The following STAM variants were observed in gnomAD, a reference collection of about 807,000 sequenced individuals.
STAM encodes signal transducing adapter molecule 1.
Under a neutral mutation model 63.4 loss-of-function variants are expected in STAM, and 16 were observed. That is an observed-to-expected ratio of 0.25 (90% CI 0.17 to 0.38). The LOEUF is 0.38. STAM is among the 10% of genes least tolerant of loss of function. The pLI, the probability that STAM is intolerant of heterozygous loss-of-function variation, is 1.00. For synonymous variants in STAM, 238 were observed against 223.9 expected, an observed-to-expected ratio of 1.06 and a Z score of -0.56; for missense variants, 636 against 657.1, an observed-to-expected ratio of 0.97 and a Z score of 0.35.
chr10:17,704,227 C>CA, intron 9 of STAM, among the ~76,000 whole-genome samples: 1 of 152,128 alleles, frequency 6.6e-6, no homozygotes, highest in East Asian at 1.9e-4. Flanking sequence ...TGAGCAGTTT[C>CA]AAAAATATAT....
At position 17,712,469 on chromosome 10, in the gene STAM, T is replaced by C. The variant is rs535142489; in HGVS notation, c.1386-2074T>C. Among the ~76,000 whole-genome samples the C allele has an allele frequency of 3.3e-5, 5 of 152,372 alleles. No individual in the cohort carries two copies. The South Asian group carries it at 8.3e-4, about 25-fold the overall frequency. On this transcript the variant is annotated intron_variant, in intron 13 of 13. Transcript: ENST00000377524. ...GGTCACCACATTAGTTGGAGAAATGTAGCATTAAATTACCGTCTCTTATAA... is the reference window on the plus strand; with the variant it reads ...GGTCACCACATTAGTTGGAGAAATGCAGCATTAAATTACCGTCTCTTATAA...
At chr10:17,691,530 A>G (rs1835536240) in intron 5 of STAM, among the ~76,000 whole-genome samples, 1 of 152,192 alleles carries the variant, frequency 6.6e-6, no homozygotes, top group Admixed American at 6.5e-5. Flanking sequence ...AAATAAATAA[A>G]TAAATGCCTG....
intron 1 of STAM, among the ~76,000 whole-genome samples, chr10:17,650,058 C>T (rs1458104397): frequency 6.6e-6 from 1 of 152,214 alleles, no homozygotes; most frequent in East Asian, 1.9e-4. Flanking sequence ...TGCTTTGGGC[C>T]AGTCCACATC....
chr10:17,693,837 G>T (rs1230919663), intron 6 of STAM, among the ~76,000 whole-genome samples: 1 of 152,042 alleles, frequency 6.6e-6, no homozygotes, highest in Non-Finnish European at 1.5e-5. Context: ...GTGACTAAAA[G>T]CAATATTGTT....
At chr10:17,696,990 G>T in intron 8 of STAM, 121 bp downstream of exon 8, 1 of 702,224 alleles carries the variant, frequency 1.4e-6, no homozygotes. Flanking sequence ...TGCGAGCTCG[G>T]ATCATTGCAA....
At chr10:17,660,761 C>G (rs1456639142) in intron 2 of STAM, among the ~76,000 whole-genome samples, 1 of 151,722 alleles carries the variant, frequency 6.6e-6, no homozygotes, top group African/African-American at 2.4e-5. Flanking sequence ...GACCCCGTCT[C>G]TTAAAAAAGA....
At position 17,693,146 on chromosome 10, in the gene STAM, T is replaced by G. The variant is rs534642759; in HGVS notation, c.445-76T>G. The G allele has an allele frequency of 6.1e-6, 8 of 1,308,222 alleles. No individual in the cohort carries two copies. In the East Asian group the frequency reaches 1.9e-4, roughly 31 times the overall value. 81.0% of individuals were successfully genotyped at this position (1,308,222 alleles called of 1,614,324 possible). On this transcript the variant is annotated intron_variant, in intron 5 of 13. Transcript: ENST00000377524. Reference sequence around the variant, plus strand: ...TGTGCTAGATTGATGAGAAAGGTTTTGCAAATTCTTAGGGTGGGTGAGAGG... The same window carrying G: ...TGTGCTAGATTGATGAGAAAGGTTTGGCAAATTCTTAGGGTGGGTGAGAGG...
At chr10:17,697,798 T>A (rs58950607) in intron 8 of STAM, among the ~76,000 whole-genome samples, 2,865 of 152,144 alleles carry the variant, frequency 0.019, 81 homozygotes, top group African/African-American at 0.066. Context: ...TTTAAAGAGC[T>A]TATATGTATA....
intron 1 of STAM, among the ~76,000 whole-genome samples, chr10:17,650,018 ATAATAGAAT>A (rs1330013842): frequency 6.6e-6 from 1 of 152,216 alleles, no homozygotes; most frequent in African/African-American, 2.4e-5. Flanking sequence ...CTTTGTTTCT[ATAATAGAAT>A]ATTTGTGTTC....
intron 4 of STAM, among the ~76,000 whole-genome samples, chr10:17,686,456 AG>A (rs1835299076): frequency 6.7e-6 from 1 of 149,518 alleles, no homozygotes; most frequent in South Asian, 2.1e-4. Flanking sequence ...AGCTGACTAT[AG>A]CCTCTGCCTC....
At position 17,715,110 on chromosome 10, in the gene STAM, A is replaced by G. The variant is rs782037326; in HGVS notation, c.*330A>G. The G allele has an allele frequency of 5.1e-5, 16 of 315,774 alleles. No homozygotes were observed. Among genetic ancestry groups the G allele is most frequent in the Non-Finnish European group, 6.7e-5 (11 of 163,340 alleles). 19.6% of individuals were successfully genotyped at this position (315,774 alleles called of 1,614,324 possible). A position where few individuals can be genotyped will look rare whatever the true frequency, so the allele number is the denominator to read the frequency against. ...CTGTTGTGACAAATGTTATGTACAT[A>G]TATTGATATGTAACTGCATTAGTGG... On this transcript the variant is annotated 3_prime_UTR_variant, in exon 14 of 14. Transcript: ENST00000377524.
chr10:17,651,947 A>T (rs1284303391), intron 1 of STAM, among the ~76,000 whole-genome samples: 1 of 152,236 alleles, frequency 6.6e-6, no homozygotes, highest in Non-Finnish European at 1.5e-5. Context: ...GTTGCTGCTT[A>T]TCAGAAAAAG....
At position 17,686,496 on chromosome 10, in the gene STAM, C is replaced by T. The variant is rs539166059; in HGVS notation, c.298-1531C>T. 6.5e-3 allele frequency among the ~76,000 whole-genome samples: 992 copies of T among 151,976 alleles called. 10 individuals carry two copies. The highest frequency in any genetic ancestry group is 0.023 in the African/African-American group (936 of 41,410). Reference sequence around the variant, plus strand: ...GGTTCAAGTGATTCTCCTGCCTCAGCCTCCTGAGTAGCTGGGAATACAGGC... The same window carrying T: ...GGTTCAAGTGATTCTCCTGCCTCAGTCTCCTGAGTAGCTGGGAATACAGGC... On this transcript the variant is annotated intron_variant, in intron 4 of 13. Coordinates refer to ENST00000377524, the MANE Select transcript of STAM (RefSeq NM_003473.4).
chr10:17,681,448 T>C (rs1439040761), intron 2 of STAM, among the ~76,000 whole-genome samples: 1 of 152,176 alleles, frequency 6.6e-6, no homozygotes. Flanking sequence ...ATGCTTTCTA[T>C]GATTTTTTAT....
At position 17,644,259 on chromosome 10, in the gene STAM, G is replaced by C; in HGVS notation, c.-81G>C. The C allele has an allele frequency of 6.7e-7, 1 of 1,497,416 alleles. No individual in the cohort carries two copies. Among genetic ancestry groups the C allele is most frequent in the Middle Eastern group, 1.7e-4 (1 of 5,850 alleles). The allele number at this position is 1,497,416 out of a possible 1,614,324, so 92.8% of individuals were successfully genotyped here. A position where few individuals can be genotyped will look rare whatever the true frequency, so the allele number is the denominator to read the frequency against. On this transcript the variant is annotated 5_prime_UTR_variant, in exon 1 of 14. Transcript: ENST00000377524. ...GGTCTCTGTTGCTCTTTTTGCCTGA[G>C]GAGTCTTCCATCCTACGTCGAGCTC... is the stretch of plus-strand genomic sequence containing the variant.
intron 13 of STAM, among the ~76,000 whole-genome samples, chr10:17,709,651 A>C (rs1402911062): frequency 6.6e-6 from 1 of 152,096 alleles, no homozygotes; most frequent in African/African-American, 2.4e-5. Flanking sequence ...ACCAACGTGT[A>C]TTCTAGAAGT....
chr10:17,668,040 T>C (rs1834468145), intron 2 of STAM, among the ~76,000 whole-genome samples: 1 of 152,222 alleles, frequency 6.6e-6, no homozygotes. Flanking sequence ...GTCTGATGAC[T>C]CCAAGGTCCA....
intron 2 of STAM, among the ~76,000 whole-genome samples, chr10:17,681,749 T>C (rs1319755302): frequency 2.0e-5 from 3 of 152,256 alleles, no homozygotes; most frequent in Non-Finnish European, 4.4e-5. Context: ...GGTATGAATC[T>C]TGTTAGTGCC....
At chr10:17,670,022 G>A (rs893316078) in intron 2 of STAM, among the ~76,000 whole-genome samples, 1 of 151,486 alleles carries the variant, frequency 6.6e-6, no homozygotes, top group Non-Finnish European at 1.5e-5. Flanking sequence ...GAGCCACTGC[G>A]CCCAGCTGGG....
Sources: gnomAD v4.1 joint callset for allele counts (sites outside exome capture counted in the v4.1 genomes callset) on GRCh38, gnomAD v4.1.1 for gene constraint, MANE v1.5 for transcripts, NCBI Gene and HGNC (gene_info 2026-07-23, HGNC 2026-07-21) for gene names.